Variants in OPA3 observed in about 807,000 individuals in gnomAD.
OPA3 encodes outer mitochondrial membrane lipid metabolism regulator OPA3.
A neutral mutation model predicts 4.0 loss-of-function variants in OPA3; 6 were observed. The observed-to-expected ratio is 1.51, with a 90% CI of 0.83 to 2.99. The LOEUF (loss-of-function observed/expected upper bound fraction) is 2.99. Ranked by LOEUF, OPA3 falls within the 30% of genes most tolerant of loss-of-function variation. The pLI, the probability that OPA3 is intolerant of heterozygous loss-of-function variation, is 0.00. For synonymous variants in OPA3, 105 were observed against 117.1 expected (o/e 0.90, Z 0.67); for missense variants, 235 against 256.2 (o/e 0.92, Z 0.56).
chr19:45,548,820 T>TATTTATTTATTC lies in OPA3; in HGVS notation c.*4693_*4694insGAATAAATAAAT, dbSNP rs1969290117. 2 of 759,458 alleles carry TATTTATTTATTC rather than the reference T, an allele frequency of 2.6e-6. No individual in the cohort carries two copies. The highest frequency in any genetic ancestry group is 3.2e-6 in the Non-Finnish European group (2 of 626,246). The allele number at this position is 759,458 out of a possible 1,614,324, so 47.0% of individuals were successfully genotyped here. A position where few individuals can be genotyped will look rare whatever the true frequency, so the allele number is the denominator to read the frequency against. On this transcript the variant is annotated 3_prime_UTR_variant, in exon 2 of 2. Transcript: ENST00000263275. ...TTATTTATTTATTTATTTATTTATT[T>TATTTATTTATTC]AGAGATGAAGTCTCGCTCTGTCACC...
intron 1 of OPA3, among the ~76,000 whole-genome samples, chr19:45,537,009 T>G (rs578145337): frequency 5.9e-5 from 9 of 152,144 alleles, no homozygotes; most frequent in Non-Finnish European, 1.2e-4. Flanking sequence ...GTGGGAGGAT[T>G]GCTTCAGAGA....
At chr19:45,537,142 A>T (rs2122386744) in intron 1 of OPA3, among the ~76,000 whole-genome samples, 1 of 152,258 alleles carries the variant, frequency 6.6e-6, no homozygotes, top group Non-Finnish European at 1.5e-5. Context: ...ACTTTTTAGT[A>T]GAGATGGGGT....
chr19:45,529,098 G>A, exon 2 of OPA3: 1 of 1,601,864 alleles, frequency 6.2e-7, no homozygotes, highest in Non-Finnish European at 8.5e-7. Flanking sequence ...CAGGCGGCGG[G>A]TCTCGGAGGC....
intron 1 of OPA3, among the ~76,000 whole-genome samples, chr19:45,569,547 A>G (rs1322445413): frequency 6.6e-6 from 1 of 152,000 alleles, no homozygotes; most frequent in African/African-American, 2.4e-5. Flanking sequence ...TAGTAATTCC[A>G]TCCTCCCCAC....
At chr19:45,529,140 G>A (rs748075455) in exon 2 of OPA3, 4 of 1,609,346 alleles carry the variant, frequency 2.5e-6, no homozygotes, top group South Asian at 2.2e-5. Flanking sequence ...GCAGCTGAGC[G>A]CGCAGCTCCT....
downstream of OPA3, among the ~76,000 whole-genome samples, chr19:45,544,985 AAAAAAC>A (rs1017600172): frequency 6.7e-6 from 1 of 150,190 alleles, no homozygotes; most frequent in Non-Finnish European, 1.5e-5. Flanking sequence ...TTCCGTCTCA[AAAAAAC>A]AAAAACAAAA....
chr19:45,535,839 A>C (rs1361241841), intron 1 of OPA3, among the ~76,000 whole-genome samples: 2 of 144,864 alleles, frequency 1.4e-5, no homozygotes, highest in Non-Finnish European at 3.0e-5. Flanking sequence ...ATTATAGCTC[A>C]CTATAGCCTT....
rs1489519563 is a variant in OPA3, at chr19:45,549,039, A to C, written c.*4475T>G. 3 of 780,952 alleles carry C rather than the reference A, an allele frequency of 3.8e-6. No individual in the cohort carries two copies. The highest frequency in any genetic ancestry group is 4.7e-6 in the Non-Finnish European group (3 of 643,466). The allele number at this position is 780,952 out of a possible 1,614,324, so 48.4% of individuals were successfully genotyped here. ...AGGTTGGTCTTGAACTCCTGACCTC[A>C]GGTGATCCACCCACCCTGGCCTCCC... On this transcript the variant is annotated 3_prime_UTR_variant, in exon 2 of 2. Coordinates refer to ENST00000263275, the MANE Select transcript of OPA3 (RefSeq NM_025136.4).
intron 1 of OPA3, among the ~76,000 whole-genome samples, chr19:45,533,822 C>A (rs941436381): frequency 5.9e-5 from 9 of 152,214 alleles, no homozygotes; most frequent in African/African-American, 1.9e-4. Context: ...CCGTCCTGGG[C>A]AGGCTCCATG....
intron 1 of OPA3, among the ~76,000 whole-genome samples, chr19:45,576,746 T>C (rs1380474027): frequency 6.6e-6 from 1 of 152,060 alleles, no homozygotes; most frequent in East Asian, 1.9e-4. Context: ...TCATTCCCTC[T>C]CTTGCCTCCC....
chr19:45,551,393 T>C lies in OPA3; in HGVS notation c.*2121A>G, dbSNP rs1296373058. On this transcript the variant is annotated 3_prime_UTR_variant, in exon 2 of 2. Transcript: ENST00000263275. ...TGACAGTTTATTTGGAAAAAGTGTT[T>C]TTTCAGATGTAATTAAGGGTCTTGA... 1 of 152,254 alleles carries C rather than the reference T, an allele frequency of 6.6e-6. No homozygotes were observed. Among genetic ancestry groups the C allele is most frequent in the South Asian group, 2.1e-4 (1 of 4,834 alleles). The allele number at this position is 152,254 out of a possible 1,614,324, so 9.4% of individuals were successfully genotyped here.
rs7247946 is a variant in OPA3 at position 45,549,551 on chromosome 19, G to A, written c.*3963C>T. 5.4e-6 allele frequency: 5 copies of A among 922,552 alleles called. No homozygotes were observed. The highest frequency in any genetic ancestry group is 6.5e-6 in the Non-Finnish European group (5 of 772,996). 57.1% of individuals were successfully genotyped at this position (922,552 alleles called of 1,614,324 possible). ...GCTGGAGTGCAGTGGCGCGATCTCA[G>A]CTCACTGCAACCTCCACCTCCTGGG... is the stretch of plus-strand genomic sequence containing the variant. On this transcript the variant is annotated 3_prime_UTR_variant, in exon 2 of 2. Transcript: ENST00000263275.
chr19:45,569,448 G>C (rs1969629624), intron 1 of OPA3, among the ~76,000 whole-genome samples: 1 of 152,174 alleles, frequency 6.6e-6, no homozygotes, highest in Non-Finnish European at 1.5e-5. Flanking sequence ...GACAGAGCAA[G>C]ACTCTGTCTC....
At chr19:45,540,565 A>AG (rs1012825278) in intron 1 of OPA3, among the ~76,000 whole-genome samples, 1 of 120,966 alleles carries the variant, frequency 8.3e-6, no homozygotes, top group Non-Finnish European at 1.9e-5. Flanking sequence ...TGTCTCAGAA[A>AG]GAAAAAAAAA....
intron 1 of OPA3, among the ~76,000 whole-genome samples, chr19:45,531,220 G>A (rs897078287): frequency 1.3e-5 from 2 of 152,084 alleles, no homozygotes; most frequent in African/African-American, 4.8e-5. Flanking sequence ...GATCCATAAT[G>A]AAGATGTATT....
At chr19:45,574,413 A>AC (rs1969737233) in intron 1 of OPA3, among the ~76,000 whole-genome samples, 1 of 151,388 alleles carries the variant, frequency 6.6e-6, no homozygotes, top group South Asian at 2.1e-4. Context: ...AAAAAAAAAA[A>AC]AGAAAAAAAA....
intron 1 of OPA3, among the ~76,000 whole-genome samples, chr19:45,559,411 T>TG: frequency 7.5e-6 from 1 of 133,830 alleles, no homozygotes; most frequent in Non-Finnish European, 1.6e-5. Flanking sequence ...TTTTTTTTTT[T>TG]TTTTTTTTGA....
At chr19:45,531,331 C>G (rs1017847170) in intron 1 of OPA3, among the ~76,000 whole-genome samples, 1 of 152,142 alleles carries the variant, frequency 6.6e-6, no homozygotes, top group African/African-American at 2.4e-5. Context: ...TTTATTTCAA[C>G]TTTGACGTTA....
In OPA3 at chr19:45,553,021, G is replaced by A. The variant is rs1207717925; in HGVS notation, c.*493C>T. The A allele has an allele frequency of 2.0e-6, 2 of 1,019,172 alleles. No individual in the cohort carries two copies. Among genetic ancestry groups the A allele is most frequent in the Non-Finnish European group, 2.4e-6 (2 of 850,404 alleles). The allele number at this position is 1,019,172 out of a possible 1,614,324, so 63.1% of individuals were successfully genotyped here. A position where few individuals can be genotyped will look rare whatever the true frequency, so the allele number is the denominator to read the frequency against. On this transcript the variant is annotated 3_prime_UTR_variant, in exon 2 of 2. Coordinates refer to ENST00000263275, the MANE Select transcript of OPA3 (RefSeq NM_025136.4). ...AAGAGAGCACTGATGCTCAGCTAGA[G>A]CTGACCTTAGAAGGTGAGGGGGAGA...
Sources: allele counts gnomAD v4.1 joint callset (sites outside exome capture counted in the v4.1 genomes callset), GRCh38; gene constraint gnomAD v4.1.1; transcripts MANE v1.5; gene names NCBI Gene and HGNC (gene_info 2026-07-23, HGNC 2026-07-21).